Variants in CSMD1 observed in about 807,000 individuals in gnomAD.
The protein encoded by CSMD1 is CUB and sushi domain-containing protein 1.
A neutral mutation model predicts 417.5 loss-of-function variants in CSMD1; 213 were observed. That is an observed-to-expected ratio of 0.51 (90% confidence interval 0.46 to 0.57). CSMD1 has a LOEUF of 0.57. Among genes scored for constraint, CSMD1 ranks in the 20% least tolerant of loss-of-function variants. CSMD1 has a pLI of 0.00. For synonymous variants in CSMD1, 2,862 were observed against 1,736.8 expected (o/e 1.65, Z -16.11); for missense variants, 6,923 against 4,529.7 (o/e 1.53, Z -15.17).
chr8:3,223,348 A>C (rs573604213), intron 28 of CSMD1, among the ~76,000 whole-genome samples: 1 of 152,304 alleles, frequency 6.6e-6, no homozygotes, highest in East Asian at 1.9e-4. Flanking sequence ...CAGGAACGTC[A>C]GGATGTGCTG....
intron 1 of CSMD1, among the ~76,000 whole-genome samples, chr8:4,767,618 C>T (rs1337232347): frequency 6.6e-6 from 1 of 152,186 alleles, no homozygotes; most frequent in Non-Finnish European, 1.5e-5. Context: ...CTGCGACCTG[C>T]TATTACTTTA....
intron 5 of CSMD1, among the ~76,000 whole-genome samples, chr8:3,986,943 G>A (rs1292537683): frequency 6.6e-6 from 1 of 151,962 alleles, no homozygotes; most frequent in Non-Finnish European, 1.5e-5. Context: ...TTAGTATACA[G>A]GGCGTTTCAC....
intron 11 of CSMD1, among the ~76,000 whole-genome samples, chr8:3,480,458 A>G (rs1439211440): frequency 6.6e-6 from 1 of 152,176 alleles, no homozygotes; most frequent in Non-Finnish European, 1.5e-5. Context: ...AAAAGAATCC[A>G]ACTATTTTTT....
intron 25 of CSMD1, among the ~76,000 whole-genome samples, chr8:3,286,957 T>G (rs1273911351): frequency 3.3e-5 from 5 of 152,042 alleles, no homozygotes; most frequent in East Asian, 1.9e-4. Flanking sequence ...ATGGTTTTAG[T>G]TCTAACATTT....
chr8:3,505,775 T>G (rs1378993674), intron 10 of CSMD1, among the ~76,000 whole-genome samples: 1 of 152,174 alleles, frequency 6.6e-6, no homozygotes, highest in Non-Finnish European at 1.5e-5. Flanking sequence ...CTATTTTATG[T>G]GAGAAGGAAG....
intron 3 of CSMD1, among the ~76,000 whole-genome samples, chr8:4,317,982 T>C (rs555308439): frequency 1.2e-3 from 190 of 152,292 alleles, no homozygotes; most frequent in African/African-American, 4.0e-3. Flanking sequence ...ATAATAGTTA[T>C]TGAATAAATA....
At chr8:3,270,152 C>G (rs555818864) in intron 26 of CSMD1, among the ~76,000 whole-genome samples, 3 of 149,942 alleles carry the variant, frequency 2.0e-5, no homozygotes, top group African/African-American at 7.4e-5. Flanking sequence ...CGGGTTCAAG[C>G]GATTCTCCTA....
chr8:4,211,936 T>G (rs1407964160), intron 3 of CSMD1, among the ~76,000 whole-genome samples: 3 of 152,168 alleles, frequency 2.0e-5, no homozygotes, highest in African/African-American at 7.2e-5. Context: ...GAAAGGGTAA[T>G]AAAGTCAACT....
chr8:4,124,477 C>T (rs1802653750), intron 3 of CSMD1, among the ~76,000 whole-genome samples: 1 of 152,160 alleles, frequency 6.6e-6, no homozygotes, highest in South Asian at 2.1e-4. Flanking sequence ...GGACTTCTCT[C>T]CACGGGGTGA....
intron 62 of CSMD1, among the ~76,000 whole-genome samples, chr8:2,959,974 ATT>A (rs2128924560): frequency 6.6e-6 from 1 of 152,314 alleles, no homozygotes; most frequent in Non-Finnish European, 1.5e-5. Context: ...AGGGTGAAGG[ATT>A]TATCCAACCC....
In CSMD1 at chr8:3,995,375, A is replaced by G. The variant is rs530633898; in HGVS notation, c.818+2528T>C. ...ATGATAAACATTAAATGTTACACAT[A>G]CACACAAAACACTCTGTTGACCCAC... is the stretch of plus-strand genomic sequence containing the variant. On this transcript the variant is annotated intron_variant, in intron 5 of 69. Transcript: ENST00000635120. Among the ~76,000 whole-genome samples, 4 of 145,544 alleles carry G rather than the reference A, an allele frequency of 2.7e-5. No individual in the cohort carries two copies. In the South Asian group the frequency reaches 8.7e-4, roughly 32 times the overall value.
At chr8:4,303,570 G>A (rs1798095955) in intron 3 of CSMD1, among the ~76,000 whole-genome samples, 1 of 151,806 alleles carries the variant, frequency 6.6e-6, no homozygotes, top group Non-Finnish European at 1.5e-5. Context: ...CTTCTCAGCA[G>A]CGTTGGTGAC....
At chr8:4,351,049 T>A (rs1801063961) in intron 3 of CSMD1, among the ~76,000 whole-genome samples, 1 of 152,212 alleles carries the variant, frequency 6.6e-6, no homozygotes, top group East Asian at 1.9e-4. Context: ...CAAATCTGCC[T>A]GGCTCAGACC....
At chr8:4,194,365 G>A (rs1361885964) in intron 3 of CSMD1, among the ~76,000 whole-genome samples, 1 of 152,092 alleles carries the variant, frequency 6.6e-6, no homozygotes, top group Non-Finnish European at 1.5e-5. Flanking sequence ...TTGCCATGTT[G>A]ATATTGCTCA....
chr8:4,163,136 G>A (rs977373706), intron 3 of CSMD1, among the ~76,000 whole-genome samples: 28 of 152,250 alleles, frequency 1.8e-4, no homozygotes, highest in Admixed American at 1.4e-3. Context: ...TTCACCTACC[G>A]AAGTACACTT....
chr8:3,378,202 G>A (rs1810429871), intron 18 of CSMD1, among the ~76,000 whole-genome samples: 1 of 152,210 alleles, frequency 6.6e-6, no homozygotes, highest in Non-Finnish European at 1.5e-5. Flanking sequence ...AAACCAGGAA[G>A]AAGTCGAATC....
intron 3 of CSMD1, among the ~76,000 whole-genome samples, chr8:4,335,088 G>A (rs939151729): frequency 2.6e-5 from 4 of 152,096 alleles, no homozygotes; most frequent in Admixed American, 1.3e-4. Flanking sequence ...TTTGTGTAGA[G>A]ACAGAGCCAC....
intron 1 of CSMD1, among the ~76,000 whole-genome samples, chr8:4,758,093 C>T (rs1394826374): frequency 6.6e-6 from 1 of 151,994 alleles, no homozygotes; most frequent in East Asian, 1.9e-4. Context: ...TGAGAAATTT[C>T]CACTGAAACC....
chr8:4,466,756 A>G (rs1303038888), intron 2 of CSMD1, among the ~76,000 whole-genome samples: 3 of 152,202 alleles, frequency 2.0e-5, no homozygotes, highest in African/African-American at 7.2e-5. Context: ...TACTATATTT[A>G]TCAAATTATA....
Sources: allele counts gnomAD v4.1 joint callset (sites outside exome capture counted in the v4.1 genomes callset), GRCh38; gene constraint gnomAD v4.1.1; transcripts MANE v1.5; gene names NCBI Gene and HGNC (gene_info 2026-07-23, HGNC 2026-07-21).